Variants in ZNF407 observed in about 807,000 individuals in gnomAD.
The protein encoded by ZNF407 is zinc finger protein 407.
In ZNF407, 17 loss-of-function variants were observed where a neutral mutation model predicts 131.2. The ratio of observed to expected loss-of-function variants is 0.13; its 90% CI spans 0.09 to 0.19. ZNF407 has a LOEUF of 0.19. Ranked by LOEUF, ZNF407 falls within the 10% of genes least tolerant of loss-of-function variation. The probability of loss-of-function intolerance (pLI) is 1.00; values close to 1 mark genes in which losing one functional copy is unlikely to be tolerated. For synonymous variants in ZNF407, 1,156 were observed against 1,062.0 expected, an observed-to-expected ratio of 1.09 and a Z score of -1.72; for missense variants, 2,681 against 2,830.6, an observed-to-expected ratio of 0.95 and a Z score of 1.20.
At chr18:74,840,794 C>T (rs1970621396) in intron 4 of ZNF407, among the ~76,000 whole-genome samples, 1 of 152,194 alleles carries the variant, frequency 6.6e-6, no homozygotes, top group Non-Finnish European at 1.5e-5. Context: ...CTATCATGTT[C>T]AAAATAGATT....
chr18:74,880,977 A>C, intron 5 of ZNF407, 59 bp from the exon 6 acceptor site: 1 of 1,411,590 alleles, frequency 7.1e-7, no homozygotes, highest in Non-Finnish European at 9.8e-7. Flanking sequence ...AAGCCTTGAT[A>C]GATATGTTTT....
rs1354497883 is a variant in ZNF407, at chr18:74,632,061, A to T, written c.1042A>T (p.Met348Leu). 4 of 1,613,832 alleles carry T rather than the reference A, an allele frequency of 2.5e-6. No homozygotes were observed. In the Admixed American group the frequency reaches 6.7e-5, roughly 27 times the overall value. The change falls in exon 2 of 9, where the codon ATG (methionine) becomes TTG (leucine). Residue 348 changes from methionine to leucine, a missense_variant. Transcript: ENST00000299687. ...TAGTAGCAGTGAGCTTCTTGTTGAA[A>T]TGATGCCTTCCAGAAATACTTTGTC... ...SGSSSELLVE[M>L]MPSRNTLSQE...
At chr18:74,855,481 CT>C (rs923664523) in intron 4 of ZNF407, among the ~76,000 whole-genome samples, 6 of 151,968 alleles carry the variant, frequency 3.9e-5, no homozygotes, top group Admixed American at 1.3e-4. Context: ...TTTTTTGAAC[CT>C]TTTATCTCTT....
chr18:74,945,312 C>T (rs150558630), intron 8 of ZNF407, among the ~76,000 whole-genome samples: 18 of 152,238 alleles, frequency 1.2e-4, no homozygotes, highest in Non-Finnish European at 2.4e-4. Flanking sequence ...ACTGGATTGC[C>T]GTGTGTCCTA....
At chr18:74,785,742 G>A (rs1969691382) in intron 4 of ZNF407, among the ~76,000 whole-genome samples, 1 of 151,894 alleles carries the variant, frequency 6.6e-6, no homozygotes, top group Non-Finnish European at 1.5e-5. Context: ...GCATGCACCT[G>A]GCATGCACCT....
intron 8 of ZNF407, among the ~76,000 whole-genome samples, chr18:75,028,395 G>A (rs1407059876): frequency 6.6e-6 from 1 of 151,304 alleles, no homozygotes; most frequent in Non-Finnish European, 1.5e-5. Context: ...CCACCTGTAA[G>A]GACCCTGGTC....
chr18:74,778,225 C>T (rs553308213), intron 3 of ZNF407, among the ~76,000 whole-genome samples: 1 of 152,234 alleles, frequency 6.6e-6, no homozygotes, highest in South Asian at 2.1e-4. Flanking sequence ...TACCAGCCCC[C>T]AGGTTTATGC....
Position 74,686,117 on chromosome 18 carries a change from G to A in ZNF407, c.4802+44995G>A, listed in dbSNP as rs559208403. Among the ~76,000 whole-genome samples the A allele has an allele frequency of 4.3e-3, 660 of 152,282 alleles. 3 individuals carry two copies. Among genetic ancestry groups the A allele is most frequent in the Non-Finnish European group, 7.0e-3 (474 of 68,010 alleles). ...TAAGCCAGCCTTCCAGCCACTGTGCGAGTGCCATTGATCTTCCTTTGCTTT... is the reference window on the plus strand; with the variant it reads ...TAAGCCAGCCTTCCAGCCACTGTGCAAGTGCCATTGATCTTCCTTTGCTTT... On this transcript the variant is annotated intron_variant, in intron 3 of 8. Transcript: ENST00000299687.
chr18:74,817,406 C>G (rs1425712863), intron 4 of ZNF407, among the ~76,000 whole-genome samples: 1 of 152,142 alleles, frequency 6.6e-6, no homozygotes, highest in Non-Finnish European at 1.5e-5. Flanking sequence ...ATAAACAGCT[C>G]CCACACATCC....
chr18:74,858,603 A>G (rs1266541815), intron 4 of ZNF407, among the ~76,000 whole-genome samples: 1 of 152,210 alleles, frequency 6.6e-6, no homozygotes, highest in Non-Finnish European at 1.5e-5. Context: ...GTTGGTGACC[A>G]TCACTTCTCG....
In ZNF407 at chr18:74,679,243, A is replaced by G. The variant is rs1389345616; in HGVS notation, c.4802+38121A>G. Among the ~76,000 whole-genome samples the G allele has an allele frequency of 2.0e-5, 3 of 152,366 alleles. No homozygotes were observed. The East Asian group carries it at 5.8e-4, about 29-fold the overall frequency. The stretch of plus-strand genomic sequence containing the variant: ...GCCATCCAGAAATGACTAACGCTTA[A>G]AAGTTTCAGTGGCATAGTCCTACTG... On this transcript the variant is annotated intron_variant, in intron 3 of 8. Coordinates refer to ENST00000299687, the MANE Select transcript of ZNF407 (RefSeq NM_017757.3).
chr18:74,928,203 G>A (rs1193876326), intron 8 of ZNF407, among the ~76,000 whole-genome samples: 1 of 152,144 alleles, frequency 6.6e-6, no homozygotes, highest in African/African-American at 2.4e-5. Flanking sequence ...GCCCAAAAAG[G>A]TGGGACATCT....
chr18:74,937,412 A>G (rs1972050916), intron 8 of ZNF407, among the ~76,000 whole-genome samples: 1 of 152,236 alleles, frequency 6.6e-6, no homozygotes, highest in Non-Finnish European at 1.5e-5. Flanking sequence ...TTTAAAGACT[A>G]GCACTAGAGT....
intron 3 of ZNF407, among the ~76,000 whole-genome samples, chr18:74,648,291 C>T (rs959415860): frequency 6.6e-6 from 1 of 152,068 alleles, no homozygotes; most frequent in Non-Finnish European, 1.5e-5. Context: ...TCAACCATGG[C>T]GTGCGGGATG....
intron 3 of ZNF407, among the ~76,000 whole-genome samples, chr18:74,756,981 T>C (rs186907042): frequency 6.6e-6 from 1 of 152,210 alleles, no homozygotes; most frequent in East Asian, 1.9e-4. Context: ...TGGGTCTTCT[T>C]TCTTTTTTCT....
chr18:74,880,887 C>T, intron 5 of ZNF407, 149 bp from the exon 6 acceptor site: 1 of 720,246 alleles, frequency 1.4e-6, no homozygotes, highest in Non-Finnish European at 2.4e-6. Flanking sequence ...TTATCACAGT[C>T]AATAAACCGC....
intron 1 of ZNF407, among the ~76,000 whole-genome samples, chr18:74,625,355 T>C (rs574607210): frequency 3.0e-4 from 46 of 152,036 alleles, no homozygotes; most frequent in African/African-American, 5.8e-4. Context: ...TGTGTGTGTG[T>C]GCCTGTGTAT....
chr18:74,723,113 A>G (rs1968077326), intron 3 of ZNF407, among the ~76,000 whole-genome samples: 1 of 152,088 alleles, frequency 6.6e-6, no homozygotes, highest in South Asian at 2.1e-4. Context: ...AGCCCTTGTA[A>G]AACTTGGTTA....
chr18:74,706,166 T>C (rs1209410357), intron 3 of ZNF407, among the ~76,000 whole-genome samples: 1 of 152,246 alleles, frequency 6.6e-6, no homozygotes, highest in Non-Finnish European at 1.5e-5. Context: ...ATGAGAATTC[T>C]ACCGCAAAAA....
Sources: gnomAD v4.1 joint callset for allele counts (sites outside exome capture counted in the v4.1 genomes callset) on GRCh38, gnomAD v4.1.1 for gene constraint, MANE v1.5 for transcripts, NCBI Gene and HGNC (gene_info 2026-07-23, HGNC 2026-07-21) for gene names.